The following EXOC5 variants were observed in gnomAD, a reference collection of about 807,000 sequenced individuals.
The protein encoded by EXOC5 is SEC10-like 1.
In EXOC5, 17 loss-of-function variants were observed where a neutral mutation model predicts 90.8. The ratio of observed to expected loss-of-function variants is 0.19; its 90% CI spans 0.13 to 0.28. The LOEUF is 0.28. Among genes scored for constraint, EXOC5 ranks in the 10% least tolerant of loss-of-function variants. EXOC5 has a pLI of 1.00. For synonymous variants in EXOC5, 260 were observed against 270.0 expected (o/e 0.96, Z 0.36); for missense variants, 569 against 830.6 (o/e 0.69, Z 3.87).
At chr14:57,213,094 G>C (rs768431425) in intron 15 of EXOC5, among the ~76,000 whole-genome samples, 4 of 152,146 alleles carry the variant, frequency 2.6e-5, no homozygotes, top group African/African-American at 7.2e-5. Context: ...TTTGATAAAC[G>C]TAAGTGCTGC....
chr14:57,217,843 T>C, intron 15 of EXOC5, 139 bp downstream of exon 15: 1 of 630,594 alleles, frequency 1.6e-6, no homozygotes, highest in Middle Eastern at 3.6e-4. Context: ...ATGAAGGCAA[T>C]ATGTAAAAAT....
chr14:57,245,911 G>A (rs552061741), intron 3 of EXOC5, among the ~76,000 whole-genome samples: 3 of 152,224 alleles, frequency 2.0e-5, no homozygotes, highest in Admixed American at 6.5e-5. Context: ...TTAGCTGGGT[G>A]TGGTAGCATG....
chr14:57,237,451 G>A (rs1176152045), intron 5 of EXOC5, 85 bp from the exon 6 acceptor site: 3 of 796,308 alleles, frequency 3.8e-6, no homozygotes, highest in Non-Finnish European at 4.2e-6. Context: ...ATGGGAAACT[G>A]GGTGCAGGAG....
rs538617814 is a variant in EXOC5 at position 57,254,617 on chromosome 14, G to A, written c.28-6905C>T. On this transcript the variant is annotated intron_variant, in intron 1 of 17. Transcript: ENST00000621441. The stretch of plus-strand genomic sequence containing the variant: ...GAGGCATATGGACTATACAATGAAA[G>A]AACTGTCCTCCCAAAATTCATAGGT... Among the ~76,000 whole-genome samples the A allele has an allele frequency of 8.0e-4, 122 of 152,232 alleles. 1 individual carries two copies. Among genetic ancestry groups the A allele is most frequent in the Middle Eastern group, 3.4e-3 (1 of 294 alleles).
intron 13 of EXOC5, 119 bp from the exon 14 acceptor site, chr14:57,219,561 A>G: frequency 1.3e-6 from 1 of 741,870 alleles, no homozygotes; most frequent in Non-Finnish European, 2.2e-6. Context: ...CGCTATTTTA[A>G]TACATCAATA....
intron 1 of EXOC5, among the ~76,000 whole-genome samples, chr14:57,251,416 A>G (rs1884189042): frequency 6.6e-6 from 1 of 152,218 alleles, no homozygotes; most frequent in Non-Finnish European, 1.5e-5. Flanking sequence ...CTCTGGATAA[A>G]GTGACTGTCA....
intron 12 of EXOC5, among the ~76,000 whole-genome samples, chr14:57,224,036 A>C (rs1231485057): frequency 6.6e-6 from 1 of 152,194 alleles, no homozygotes; most frequent in Non-Finnish European, 1.5e-5. Context: ...CAACATACAA[A>C]AATTCTGGGG....
rs1486858361 is a variant in EXOC5 at position 57,207,743 on chromosome 14, T to C, written c.*866A>G. On this transcript the variant is annotated 3_prime_UTR_variant, in exon 18 of 18. Transcript: ENST00000621441. ...GTTGCTAAACACTGTCAGTATTTCC[T>C]ATATGCACCATTTAGACTATACCTC... 2.6e-5 allele frequency: 4 copies of C among 152,122 alleles called. No homozygotes were observed. Among genetic ancestry groups the C allele is most frequent in the Non-Finnish European group, 2.9e-5 (2 of 67,990 alleles). The allele number at this position is 152,122 out of a possible 1,614,324, so 9.4% of individuals were successfully genotyped here.
chr14:57,241,529 G>C (rs1446004813), intron 4 of EXOC5, among the ~76,000 whole-genome samples: 1 of 152,082 alleles, frequency 6.6e-6, no homozygotes, highest in Non-Finnish European at 1.5e-5. Context: ...CATCATCATT[G>C]TGCTATTGCA....
Position 57,268,685 on chromosome 14 carries a change from C to G in EXOC5, c.-37G>C. ...GAGAGGCTCGCCCCCCACTGGATGC[C>G]GTCTCCGCTTCACATGCTGCGCCTC... On this transcript the variant is annotated 5_prime_UTR_variant, in exon 1 of 18. Transcript: ENST00000621441. The G allele has an allele frequency of 6.4e-7, 1 of 1,569,156 alleles. No individual in the cohort carries two copies. Among genetic ancestry groups the G allele is most frequent in the East Asian group, 2.4e-5 (1 of 42,362 alleles).
At chr14:57,209,400 A>AG (rs1594644121) in intron 17 of EXOC5, among the ~76,000 whole-genome samples, 167 bp downstream of exon 17, 1 of 152,122 alleles carries the variant, frequency 6.6e-6, no homozygotes, top group East Asian at 1.9e-4. Context: ...ATAAAAAAAA[A>AG]TAATAATTGG....
intron 15 of EXOC5, among the ~76,000 whole-genome samples, chr14:57,213,012 G>A (rs541079121): frequency 4.3e-4 from 65 of 152,104 alleles, no homozygotes; most frequent in African/African-American, 1.5e-3. Context: ...GTAATATATG[G>A]TGGTCATTCC....
intron 1 of EXOC5, among the ~76,000 whole-genome samples, chr14:57,250,195 G>C: frequency 6.6e-6 from 1 of 152,090 alleles, no homozygotes; most frequent in Non-Finnish European, 1.5e-5. Flanking sequence ...TAAGCACAGG[G>C]AACACTCTTG....
At chr14:57,257,380 T>C (rs546339537) in intron 1 of EXOC5, among the ~76,000 whole-genome samples, 16 of 152,264 alleles carry the variant, frequency 1.1e-4, no homozygotes, top group African/African-American at 3.9e-4. Context: ...GAAAAACAAA[T>C]TTTTACTACA....
At chr14:57,237,264 C>T in intron 6 of EXOC5, 74 bp downstream of exon 6, 2 of 806,954 alleles carry the variant, frequency 2.5e-6, no homozygotes, top group Admixed American at 2.1e-5. Context: ...GCTTTTTCTC[C>T]TTTTGCTGTT....
chr14:57,249,322 C>T (rs1486340404), intron 1 of EXOC5, among the ~76,000 whole-genome samples: 1 of 152,068 alleles, frequency 6.6e-6, no homozygotes, highest in East Asian at 1.9e-4. Context: ...ATTTTCTTGG[C>T]ATACACATTA....
chr14:57,231,396 A>C (rs1883481807), intron 11 of EXOC5, 110 bp downstream of exon 11: 2 of 693,880 alleles, frequency 2.9e-6, no homozygotes, highest in South Asian at 3.9e-5. Context: ...GGATTAAAAG[A>C]ACTCTTCACA....
intron 6 of EXOC5, among the ~76,000 whole-genome samples, chr14:57,236,810 AAACCTAG>A (rs1883677542): frequency 6.6e-6 from 1 of 152,094 alleles, no homozygotes; most frequent in African/African-American, 2.4e-5. Context: ...GTCTTTTCAA[AAACCTAG>A]AATGATCTAA....
At chr14:57,232,487 T>C in intron 10 of EXOC5, 180 bp downstream of exon 10, 1 of 372,332 alleles carries the variant, frequency 2.7e-6, no homozygotes, top group Non-Finnish European at 4.8e-6. Flanking sequence ...GACGTTAATG[T>C]ATTAAGAATG....
Sources: allele counts gnomAD v4.1 joint callset (sites outside exome capture counted in the v4.1 genomes callset), GRCh38; gene constraint gnomAD v4.1.1; transcripts MANE v1.5; gene names NCBI Gene and HGNC (gene_info 2026-07-23, HGNC 2026-07-21).